The following ATOSA variants were observed in gnomAD, a reference collection of about 807,000 sequenced individuals.
ATOSA encodes the protein atos homolog A.
the ATOSA span, among the ~76,000 whole-genome samples, chr15:52,697,957 A>ATTTTTTTTTTTTTTTTTTTTTTT: frequency 2.2e-4 from 10 of 44,780 alleles, 2 homozygotes; most frequent in Non-Finnish European, 2.0e-4. Flanking sequence ...GGGATGTAGA[A>ATTTTTTTTTTTTTTTTTTTTTTT]TTTTTTTTTT....
At chr15:52,584,959 T>C in the ATOSA span, 25 of 1,562,804 alleles carry the variant, frequency 1.6e-5, no homozygotes, top group South Asian at 8.2e-5. Context: ...AGAAACAATA[T>C]AGAAATTATT....
chr15:52,588,104 T>C, the ATOSA span, among the ~76,000 whole-genome samples: 3 of 152,206 alleles, frequency 2.0e-5, no homozygotes, highest in African/African-American at 7.2e-5. Context: ...ACTCAAAGAA[T>C]GATCCTCAGA....
the ATOSA span, chr15:52,678,008 C>G: frequency 6.2e-7 from 1 of 1,614,028 alleles, no homozygotes; most frequent in Non-Finnish European, 8.5e-7. Context: ...TCATTTACCT[C>G]GGTCTGGCTT....
chr15:52,699,604 A>T, the ATOSA span, among the ~76,000 whole-genome samples: 8 of 151,788 alleles, frequency 5.3e-5, no homozygotes, highest in Non-Finnish European at 1.0e-4. Flanking sequence ...AACAGATCTT[A>T]TCATGCCATT....
chr15:52,677,388 C>A, the ATOSA span, among the ~76,000 whole-genome samples: 2 of 152,234 alleles, frequency 1.3e-5, no homozygotes, highest in East Asian at 3.9e-4. Context: ...CCTTGAAGTC[C>A]TTGAAAAGCA....
the ATOSA span, among the ~76,000 whole-genome samples, chr15:52,604,125 A>G: frequency 6.6e-6 from 1 of 152,240 alleles, no homozygotes; most frequent in Non-Finnish European, 1.5e-5. Flanking sequence ...TACCCATAAG[A>G]ATTTGAAAAA....
the ATOSA span, chr15:52,586,485 C>A: frequency 1.3e-5 from 2 of 152,206 alleles, no homozygotes; most frequent in South Asian, 2.1e-4. Flanking sequence ...TTTCAGTCTG[C>A]AAACTCTGTA....
the ATOSA span, among the ~76,000 whole-genome samples, chr15:52,595,342 T>C: frequency 6.6e-6 from 1 of 152,294 alleles, no homozygotes; most frequent in Admixed American, 6.5e-5. Flanking sequence ...TAGCACATAG[T>C]AAGTACTCAA....
chr15:52,671,503 T>C, the ATOSA span, among the ~76,000 whole-genome samples: 1 of 152,070 alleles, frequency 6.6e-6, no homozygotes, highest in Non-Finnish European at 1.5e-5. Flanking sequence ...TACTAAATGA[T>C]GGGAATACAG....
chr15:52,601,586 C>A, the ATOSA span, among the ~76,000 whole-genome samples: 5 of 151,372 alleles, frequency 3.3e-5, no homozygotes, highest in East Asian at 9.7e-4. Flanking sequence ...CCCACCAGCA[C>A]TGCCCACGCT....
chr15:52,654,972 T>C, the ATOSA span, among the ~76,000 whole-genome samples: 1 of 152,002 alleles, frequency 6.6e-6, no homozygotes, highest in South Asian at 2.1e-4. Flanking sequence ...AGCCACTACC[T>C]ACTGGCCCAT....
chr15:52,665,909 AT>A, the ATOSA span, among the ~76,000 whole-genome samples: 3 of 152,210 alleles, frequency 2.0e-5, no homozygotes, highest in East Asian at 5.8e-4. Flanking sequence ...AGAATATTTA[AT>A]GACATGAAAA....
At chr15:52,662,096 C>T in the ATOSA span, among the ~76,000 whole-genome samples, 4 of 152,138 alleles carry the variant, frequency 2.6e-5, no homozygotes, top group African/African-American at 9.7e-5. Flanking sequence ...CAAACCAAGA[C>T]TAGGAAACTG....
the ATOSA span, among the ~76,000 whole-genome samples, chr15:52,622,637 G>A: frequency 6.6e-6 from 1 of 152,172 alleles, no homozygotes; most frequent in African/African-American, 2.4e-5. Flanking sequence ...CTTTATATCA[G>A]GTGGTTAAGG....
chr15:52,612,107 C>T, the ATOSA span, among the ~76,000 whole-genome samples: 1 of 152,118 alleles, frequency 6.6e-6, no homozygotes, highest in Non-Finnish European at 1.5e-5. Context: ...GCCTCAGCCT[C>T]TCAAGTAGCT....
At chr15:52,597,444 T>C in the ATOSA span, among the ~76,000 whole-genome samples, 14 of 152,288 alleles carry the variant, frequency 9.2e-5, no homozygotes, top group African/African-American at 3.4e-4. Flanking sequence ...TAAAAACGAA[T>C]GAACTCTTGA....
the ATOSA span, among the ~76,000 whole-genome samples, chr15:52,654,628 T>C: frequency 6.6e-6 from 1 of 152,154 alleles, no homozygotes; most frequent in Non-Finnish European, 1.5e-5. Flanking sequence ...AAATGGACAG[T>C]TCAGGAAACA....
At chr15:52,625,160 A>G in the ATOSA span, among the ~76,000 whole-genome samples, 44 of 152,266 alleles carry the variant, frequency 2.9e-4, no homozygotes, top group African/African-American at 1.1e-3. Context: ...AGATAAGGAA[A>G]ATAAGGTACA....
the ATOSA span, among the ~76,000 whole-genome samples, chr15:52,682,701 A>G: frequency 2.0e-5 from 3 of 152,254 alleles, no homozygotes; most frequent in Admixed American, 1.3e-4. Context: ...TATTGTAGAA[A>G]TAAAGATGAG....
Sources: allele counts gnomAD v4.1 joint callset (sites outside exome capture counted in the v4.1 genomes callset), GRCh38; gene constraint gnomAD v4.1.1; transcripts MANE v1.5; gene names NCBI Gene and HGNC (gene_info 2026-07-23, HGNC 2026-07-21).